STAT4: variants seen among roughly 807,000 people sequenced by gnomAD.
The protein encoded by STAT4 is signal transducer and activator of transcription 4.
STAT4 carries 42 observed loss-of-function variants against 110.5 expected under a neutral mutation model. The observed-to-expected ratio is 0.38, with a 90% CI of 0.30 to 0.49. STAT4 has a LOEUF of 0.49. Ranked by LOEUF, STAT4 falls within the 20% of genes least tolerant of loss-of-function variation. The pLI is 0.95. For missense variants in STAT4, 632 were observed against 887.9 expected, an observed-to-expected ratio of 0.71 and a Z score of 3.66; for synonymous variants, 284 against 302.2, an observed-to-expected ratio of 0.94 and a Z score of 0.63.
intron 13 of STAT4, 149 bp from the exon 14 acceptor site, chr2:191,054,683 C>T: frequency 3.1e-6 from 2 of 647,156 alleles, no homozygotes; most frequent in Non-Finnish European, 5.2e-6. Context: ...CCTGACACAA[C>T]TGCCCAGATT....
At chr2:191,125,932 C>T (rs1203030790) in intron 3 of STAT4, among the ~76,000 whole-genome samples, 1 of 152,154 alleles carries the variant, frequency 6.6e-6, no homozygotes, top group Non-Finnish European at 1.5e-5. Context: ...CTCCCTGAGT[C>T]ATGAACTTCT....
At chr2:191,130,336 C>T (rs1699000883) in intron 3 of STAT4, among the ~76,000 whole-genome samples, 1 of 151,386 alleles carries the variant, frequency 6.6e-6, no homozygotes, top group Non-Finnish European at 1.5e-5. Flanking sequence ...CATTCTCCTG[C>T]CTCAGCCTCC....
chr2:191,076,312 C>A lies in STAT4; in HGVS notation c.287G>T (p.Gly96Val). 6.3e-7 allele frequency: 1 copy of A among 1,598,966 alleles called. No individual in the cohort carries two copies. The highest frequency in any genetic ancestry group is 8.5e-7 in the Non-Finnish European group (1 of 1,175,016). The change falls in exon 4 of 24, where the codon GGA (glycine) becomes GTA (valine). Residue 96 changes from glycine to valine, a missense_variant. By Grantham distance (109) the Gly-to-Val change is moderately radical. Transcript: ENST00000392320. ...IRKVLQGKFH[G>V]NPMHVAVVIS... ...AACCACAGCTACATGCATTGGATTTCCATGAAATTTTCCCTGAAAAAAAAA... is the reference window on the plus strand; with the variant it reads ...AACCACAGCTACATGCATTGGATTTACATGAAATTTTCCCTGAAAAAAAAA...
At chr2:191,081,764 T>C (rs1335601426) in intron 3 of STAT4, among the ~76,000 whole-genome samples, 1 of 152,192 alleles carries the variant, frequency 6.6e-6, no homozygotes, top group Non-Finnish European at 1.5e-5. Context: ...CATAAGATCA[T>C]AGTGACATGC....
In STAT4 at chr2:191,060,837, C is replaced by G. The variant is rs1187458741; in HGVS notation, c.1034+892G>C. ...GTTAATGGTGTCTTAAAAATGCAAA[C>G]CGAAGACAAATGCCTTCTCTTTAAA... On this transcript the variant is annotated intron_variant, in intron 10 of 23. Transcript: ENST00000392320. The surrounding 1 kb of genome is among the most constrained non-coding windows in gnomAD (Gnocchi z 4.5). 6.6e-6 allele frequency among the ~76,000 whole-genome samples: 1 copy of G among 152,172 alleles called. No homozygotes were observed. The highest frequency in any genetic ancestry group is 1.5e-5 in the Non-Finnish European group (1 of 68,032).
chr2:191,041,157 G>C lies in STAT4; in HGVS notation c.1252-9C>G. ...GTCACCATGTGACAGCCCTAAGGAA[G>C]AGAGAAATAAATTGTTACCTCACAA... On this transcript the variant is annotated splice_polypyrimidine_tract_variant and intron_variant, in intron 14 of 23. Coordinates refer to ENST00000392320, the MANE Select transcript of STAT4 (RefSeq NM_003151.4). 7.1e-7 allele frequency: 1 copy of C among 1,405,650 alleles called. No individual in the cohort carries two copies. Among genetic ancestry groups the C allele is most frequent in the Non-Finnish European group, 9.3e-7 (1 of 1,071,012 alleles). 87.1% of individuals were successfully genotyped at this position (1,405,650 alleles called of 1,614,324 possible).
intron 14 of STAT4, chr2:191,041,735 C>G (rs1183420164): frequency 6.6e-6 from 1 of 151,912 alleles, no homozygotes; most frequent in African/African-American, 2.4e-5. Context: ...AAGAAAGAAC[C>G]CAGAGGTTGA....
chr2:191,128,657 A>G (rs1490843481), intron 3 of STAT4, among the ~76,000 whole-genome samples: 3 of 152,140 alleles, frequency 2.0e-5, no homozygotes, highest in African/African-American at 4.8e-5. Flanking sequence ...GAAATAGGCC[A>G]TGGTGGTTCA....
chr2:191,122,395 C>T (rs1004892613), intron 3 of STAT4, among the ~76,000 whole-genome samples: 12 of 151,610 alleles, frequency 7.9e-5, no homozygotes, highest in Non-Finnish European at 1.8e-4. Flanking sequence ...CTCTCATATA[C>T]TTCTGTGACA....
Position 191,053,365 on chromosome 2 carries a change from C to T in STAT4, c.1251+1125G>A, listed in dbSNP as rs1471459790. On this transcript the variant is annotated intron_variant, in intron 14 of 23. Transcript: ENST00000392320. This position sits in a 1 kb window ranked among gnomAD's most constrained non-coding sequence, Gnocchi z 4.5. ...GGAAAAAAATGCAGTATTTCCTCAT[C>T]AGTTCATTTGCCAAACGTCACATTT... 1.3e-5 allele frequency among the ~76,000 whole-genome samples: 2 copies of T among 152,192 alleles called. No individual in the cohort carries two copies. Among genetic ancestry groups the T allele is most frequent in the African/African-American group, 4.8e-5 (2 of 41,444 alleles).
chr2:191,122,344 C>G (rs1444434887), intron 3 of STAT4, among the ~76,000 whole-genome samples: 1 of 149,378 alleles, frequency 6.7e-6, no homozygotes, highest in African/African-American at 2.5e-5. Flanking sequence ...AAAAAAAAGA[C>G]TGGCAATAAC....
intron 3 of STAT4, among the ~76,000 whole-genome samples, chr2:191,092,654 A>T (rs1697831473): frequency 1.3e-5 from 2 of 152,184 alleles, no homozygotes; most frequent in Admixed American, 1.3e-4. Flanking sequence ...AGATTTCTGC[A>T]TTTCCAATGG....
chr2:191,111,893 T>G (rs1032236090), intron 3 of STAT4, among the ~76,000 whole-genome samples: 3 of 152,002 alleles, frequency 2.0e-5, no homozygotes, highest in African/African-American at 7.3e-5. Flanking sequence ...TACTGTATGA[T>G]TCTAATTGGA....
chr2:191,125,476 T>TTTTTTATTATTATTATTATTA (rs141291456), intron 3 of STAT4, among the ~76,000 whole-genome samples: 22 of 138,014 alleles, frequency 1.6e-4, no homozygotes, highest in South Asian at 2.5e-4. Flanking sequence ...ATCCTCATTA[T>TTTTTTATTATTATTATTATTA]TTATTATTAT....
rs1342441400 is a variant in STAT4, at chr2:191,039,358, G to C, written c.1336-61C>G. On this transcript the variant is annotated intron_variant, in intron 15 of 23. Coordinates refer to ENST00000392320, the MANE Select transcript of STAT4 (RefSeq NM_003151.4). The surrounding 1 kb of genome is among the most constrained non-coding windows in gnomAD (Gnocchi z 4.7). ...TAGTCCCACCTTACATTGATCTTAT[G>C]CTTGACCCTCGCCTCTAAAGGGCCA... The C allele has an allele frequency of 6.8e-7, 1 of 1,479,416 alleles. No individual in the cohort carries two copies. The highest frequency in any genetic ancestry group is 2.3e-5 in the East Asian group (1 of 44,208). 91.6% of individuals were successfully genotyped at this position (1,479,416 alleles called of 1,614,324 possible). A position where few individuals can be genotyped will look rare whatever the true frequency, so the allele number is the denominator to read the frequency against.
At chr2:191,137,101 G>T (rs969027565) in intron 3 of STAT4, among the ~76,000 whole-genome samples, 1 of 152,204 alleles carries the variant, frequency 6.6e-6, no homozygotes, top group Non-Finnish European at 1.5e-5. Context: ...CCAGGACTTT[G>T]GGAGGCCAAG....
At chr2:191,068,828 T>C (rs1697066372) in intron 6 of STAT4, among the ~76,000 whole-genome samples, 1 of 152,130 alleles carries the variant, frequency 6.6e-6, no homozygotes, top group African/African-American at 2.4e-5. Context: ...TCCCATTAAT[T>C]GCAACATACT....
At chr2:191,038,682 A>G (rs1205806855) in intron 16 of STAT4, among the ~76,000 whole-genome samples, 1 of 152,208 alleles carries the variant, frequency 6.6e-6, no homozygotes, top group Non-Finnish European at 1.5e-5. Context: ...GGTCAGTGTC[A>G]CAACGACCAG....
rs1695955811 is a variant in STAT4 at position 191,033,405 on chromosome 2, C to T, written c.1852+85G>A. On this transcript the variant is annotated intron_variant, in intron 20 of 23. Transcript: ENST00000392320. This position sits in a 1 kb window ranked among gnomAD's most constrained non-coding sequence, Gnocchi z 6.9. ...TGAATACATCACAGACAGATCAACA[C>T]ACCATACACTTCCAAAAACTGAAAT... The T allele has an allele frequency of 1.4e-6, 2 of 1,452,788 alleles. No individual in the cohort carries two copies. Among genetic ancestry groups the T allele is most frequent in the Non-Finnish European group, 1.9e-6 (2 of 1,075,432 alleles). The allele number at this position is 1,452,788 out of a possible 1,614,324, so 90.0% of individuals were successfully genotyped here.
Sources: allele counts gnomAD v4.1 joint callset (sites outside exome capture counted in the v4.1 genomes callset), GRCh38; gene constraint gnomAD v4.1.1; non-coding constraint Gnocchi (gnomAD v3.1); transcripts MANE v1.5; gene names NCBI Gene and HGNC (gene_info 2026-07-23, HGNC 2026-07-21).